The following PPFIBP2 variants were observed in gnomAD, a reference collection of about 807,000 sequenced individuals.
The protein encoded by PPFIBP2 is liprin-beta-2.
PPFIBP2 carries 118 observed loss-of-function variants against 118.3 expected under a neutral mutation model. The observed-to-expected ratio is 1.00, with a 90% confidence interval of 0.86 to 1.16. PPFIBP2 has a LOEUF of 1.16. PPFIBP2 is among the 50% of genes most tolerant of loss of function. The probability of loss-of-function intolerance (pLI) is 0.00; values close to 1 mark genes in which losing one functional copy is unlikely to be tolerated. For synonymous variants in PPFIBP2, 414 were observed against 397.4 expected (o/e 1.04, Z -0.50); for missense variants, 1,195 against 1,073.1 (o/e 1.11, Z -1.59).
Position 7,648,802 on chromosome 11 carries a change from G to C in PPFIBP2, c.1800G>C (p.Glu600Asp). Residue 600 changes from glutamate to aspartate, a missense_variant and splice_region_variant, in exon 19 of 24, where the codon GAG becomes GAC. Physicochemically the swap from Glu to Asp is conservative, Grantham distance 45. Transcript: ENST00000299492. ...LTATPQDMEKELGIKHPLHRK... is the reference protein window; with the variant it reads ...LTATPQDMEKDLGIKHPLHRK... ...TGGTCTTCATCTTTTAATTTCAGGA[G>C]CTAGGAATTAAGCACCCACTCCACA... is the stretch of plus-strand genomic sequence containing the variant. The C allele has an allele frequency of 6.2e-7, 1 of 1,613,444 alleles. No homozygotes were observed. Among genetic ancestry groups the C allele is most frequent in the Non-Finnish European group, 8.5e-7 (1 of 1,179,606 alleles).
intron 2 of PPFIBP2, among the ~76,000 whole-genome samples, chr11:7,565,192 C>T (rs756605109): frequency 3.0e-4 from 46 of 152,070 alleles, no homozygotes; most frequent in Admixed American, 7.9e-4. Flanking sequence ...CTGTCCAGCC[C>T]GAGATTAGAT....
chr11:7,592,096 A>T (rs2135228875), intron 3 of PPFIBP2, among the ~76,000 whole-genome samples: 1 of 152,268 alleles, frequency 6.6e-6, no homozygotes, highest in South Asian at 2.1e-4. Flanking sequence ...TGCTGATTTC[A>T]CTGGACCAGC....
intron 5 of PPFIBP2, among the ~76,000 whole-genome samples, chr11:7,609,266 A>G (rs991634723): frequency 2.0e-5 from 3 of 152,202 alleles, no homozygotes; most frequent in Admixed American, 1.3e-4. Context: ...GCCCAAGATG[A>G]TACAAAATGT....
At chr11:7,661,568 C>G (rs918244093), downstream of PPFIBP2, among the ~76,000 whole-genome samples, 12 of 133,812 alleles carry the variant, frequency 9.0e-5, no homozygotes, top group African/African-American at 2.6e-4. Flanking sequence ...TTACTTCCAA[C>G]TATGTGGTCA....
chr11:7,518,303 G>A (rs1011074622), intron 1 of PPFIBP2, among the ~76,000 whole-genome samples: 3 of 152,208 alleles, frequency 2.0e-5, no homozygotes, highest in Admixed American at 1.3e-4. Context: ...CTGGGTCTAG[G>A]TTGGTATATT....
At chr11:7,621,124 A>G in intron 7 of PPFIBP2, 97 bp downstream of exon 7, 2 of 908,672 alleles carry the variant, frequency 2.2e-6, no homozygotes, top group Non-Finnish European at 3.5e-6. Context: ...TAAGTTTGAA[A>G]ATGCAAATCA....
intron 23 of PPFIBP2, 59 bp downstream of exon 23, chr11:7,651,903 C>A (rs138558869): frequency 7.7e-5 from 114 of 1,479,060 alleles, no homozygotes; most frequent in Non-Finnish European, 1.0e-4. Context: ...TCACGCAGCA[C>A]AGCACCTGGC....
intron 3 of PPFIBP2, among the ~76,000 whole-genome samples, chr11:7,584,657 A>C (rs1857809400): frequency 6.6e-6 from 1 of 152,214 alleles, no homozygotes; most frequent in African/African-American, 2.4e-5. Flanking sequence ...CTACACTCAT[A>C]CTACTGGGTT....
chr11:7,619,542 G>A (rs796512575), intron 6 of PPFIBP2, among the ~76,000 whole-genome samples: 9 of 152,312 alleles, frequency 5.9e-5, no homozygotes, highest in African/African-American at 2.2e-4. Flanking sequence ...TCCCCCAGAT[G>A]CCATGGGGTC....
chr11:7,655,528 G>C (rs781277826), downstream of PPFIBP2: 2 of 1,286,642 alleles, frequency 1.6e-6, no homozygotes, highest in East Asian at 1.1e-4. Context: ...CCCACAGTCA[G>C]ACTGGTGCCA....
At chr11:7,643,668 T>A (rs1026830736) in intron 17 of PPFIBP2, among the ~76,000 whole-genome samples, 2 of 152,246 alleles carry the variant, frequency 1.3e-5, no homozygotes, top group Admixed American at 6.5e-5. Flanking sequence ...GAAATTGATA[T>A]ATGTTAATGT....
chr11:7,597,282 C>T, intron 4 of PPFIBP2: 2 of 1,535,492 alleles, frequency 1.3e-6, no homozygotes, highest in African/African-American at 2.7e-5. Flanking sequence ...AGAGGCAGCT[C>T]CTGTGGCTGT....
intron 7 of PPFIBP2, among the ~76,000 whole-genome samples, chr11:7,621,670 C>A (rs1365016288): frequency 6.6e-6 from 1 of 152,134 alleles, no homozygotes; most frequent in African/African-American, 2.4e-5. Context: ...TTGGCCTGCA[C>A]ATTGGATTTT....
intron 18 of PPFIBP2, 23 bp from the exon 19 acceptor site, chr11:7,648,777 T>TG: frequency 6.2e-7 from 1 of 1,607,010 alleles, no homozygotes; most frequent in Non-Finnish European, 8.5e-7. Context: ...ATTTCACATG[T>TG]GGTCTTCATC....
rs1183879395 is a variant in PPFIBP2 at position 7,604,546 on chromosome 11, TACAC to T, written c.487-5736_487-5733del. On this transcript the variant is annotated intron_variant, in intron 5 of 23. Coordinates refer to ENST00000299492, the MANE Select transcript of PPFIBP2 (RefSeq NM_003621.5). Reference sequence around the variant, plus strand: ...CTCCACACACCTACTCACCCAGCCATACACACACACACCCCACACACACACCTAC... The same window carrying T: ...CTCCACACACCTACTCACCCAGCCATACACACACCCCACACACACACCTAC... Among the ~76,000 whole-genome samples, 439 of 142,530 alleles carry T rather than the reference TACAC, an allele frequency of 3.1e-3. 5 individuals are homozygous for T. Among genetic ancestry groups the T allele is most frequent in the African/African-American group, 0.011 (419 of 37,750 alleles). The allele number at this position is 142,530 out of a possible 152,430, so 93.5% of individuals were successfully genotyped here.
In PPFIBP2 at chr11:7,635,678, C is replaced by A; in HGVS notation, c.1236+85C>A. The A allele has an allele frequency of 5.5e-6, 8 of 1,443,166 alleles. No homozygotes were observed. The South Asian group carries it at 6.9e-5, about 12-fold the overall frequency. 89.4% of individuals were successfully genotyped at this position (1,443,166 alleles called of 1,614,324 possible). A position where few individuals can be genotyped will look rare whatever the true frequency, so the allele number is the denominator to read the frequency against. ...TTTAGCAAGTCATAGTTTTCATAAC[C>A]TTAAAATGTGCCAACTGTAAGGAGT... On this transcript the variant is annotated intron_variant, in intron 14 of 23. Coordinates refer to ENST00000299492, the MANE Select transcript of PPFIBP2 (RefSeq NM_003621.5).
At chr11:7,527,862 A>G (rs11601437) in intron 1 of PPFIBP2, among the ~76,000 whole-genome samples, 71,298 of 151,752 alleles carry the variant, frequency 0.47, 17,693 homozygotes, top group African/African-American at 0.63. Context: ...GAGTAAACGA[A>G]GTTAAATAGG....
chr11:7,629,562 T>A (rs766267874), intron 10 of PPFIBP2, 28 bp downstream of exon 10: 1 of 1,605,752 alleles, frequency 6.2e-7, no homozygotes, highest in Non-Finnish European at 8.5e-7. Context: ...CCTACCGTTG[T>A]CTCTGAAAGA....
chr11:7,561,471 A>G lies in PPFIBP2; in HGVS notation c.65-4082A>G, dbSNP rs4526759. 8.4e-3 allele frequency among the ~76,000 whole-genome samples: 1,274 copies of G among 152,244 alleles called. 16 individuals are homozygous for G. Among genetic ancestry groups the G allele is most frequent in the African/African-American group, 0.029 (1,222 of 41,536 alleles). Reference sequence around the variant, plus strand: ...TTATTGTTCTTTTATGTCTTGCTCAATTGCTCTTGTGCCTATAAAATCTTC... The same window carrying G: ...TTATTGTTCTTTTATGTCTTGCTCAGTTGCTCTTGTGCCTATAAAATCTTC... On this transcript the variant is annotated intron_variant, in intron 2 of 23. Coordinates refer to ENST00000299492, the MANE Select transcript of PPFIBP2 (RefSeq NM_003621.5).
Sources: allele counts gnomAD v4.1 joint callset (sites outside exome capture counted in the v4.1 genomes callset), GRCh38; gene constraint gnomAD v4.1.1; transcripts MANE v1.5; gene names NCBI Gene and HGNC (gene_info 2026-07-23, HGNC 2026-07-21).